The following KLHL28 variants were observed in gnomAD, a reference collection of about 807,000 sequenced individuals.
KLHL28 encodes kelch like family member 28.
KLHL28 carries 22 observed loss-of-function variants against 48.3 expected under a neutral mutation model. The observed-to-expected ratio is 0.46, with a 90% CI of 0.33 to 0.65. The LOEUF (loss-of-function observed/expected upper bound fraction) is 0.65, where lower values mean the gene tolerates loss of function less well. Among genes scored for constraint, KLHL28 ranks in the 30% least tolerant of loss-of-function variants. The pLI, the probability that KLHL28 is intolerant of heterozygous loss-of-function variation, is 0.03. For missense variants in KLHL28, 527 were observed against 704.3 expected, an observed-to-expected ratio of 0.75 and a Z score of 2.85; for synonymous variants, 243 against 242.4, an observed-to-expected ratio of 1.00 and a Z score of -0.02.
chr14:44,946,272 T>C (rs146938471), intron 1 of KLHL28, among the ~76,000 whole-genome samples: 1 of 152,142 alleles, frequency 6.6e-6, no homozygotes, highest in South Asian at 2.1e-4. Flanking sequence ...GAGCTATCAC[T>C]GAAATAAAAT....
chr14:44,930,634 T>C (rs1399146475), intron 4 of KLHL28, among the ~76,000 whole-genome samples: 2 of 152,198 alleles, frequency 1.3e-5, no homozygotes, highest in Admixed American at 6.5e-5. Flanking sequence ...TTTCACACTT[T>C]AGATTTTTGA....
At chr14:44,942,966 C>A (rs73334172) in intron 2 of KLHL28, among the ~76,000 whole-genome samples, 22,917 of 151,904 alleles carry the variant, frequency 0.15, 3,151 homozygotes, top group African/African-American at 0.37. Context: ...GTAGAGTTAA[C>A]CTGAATGATC....
intron 4 of KLHL28, 125 bp downstream of exon 4, chr14:44,931,208 T>A: frequency 1.6e-6 from 1 of 608,498 alleles, no homozygotes; most frequent in South Asian, 2.6e-5. Flanking sequence ...CACATACAAG[T>A]CTTTTTTTTT....
In KLHL28 at chr14:44,935,176, G is replaced by A. The variant is rs1050411887; in HGVS notation, c.900-618C>T. On this transcript the variant is annotated intron_variant, in intron 2 of 4. Transcript: ENST00000396128. The stretch of plus-strand genomic sequence containing the variant: ...ACAAACTATAGCTACATGTCGCTGG[G>A]GGAATCTTACACACATAATGTTGAG... Among the ~76,000 whole-genome samples, 4 of 152,266 alleles carry A rather than the reference G, an allele frequency of 2.6e-5. No homozygotes were observed. In the South Asian group the frequency reaches 8.3e-4, roughly 32 times the overall value.
intron 1 of KLHL28, among the ~76,000 whole-genome samples, chr14:44,953,262 T>G (rs777849210): frequency 6.6e-6 from 1 of 152,180 alleles, no homozygotes; most frequent in Non-Finnish European, 1.5e-5. Flanking sequence ...CAGGTAAAAC[T>G]AGATTTCTGC....
rs1224757600 is a variant in KLHL28 at position 44,925,785 on chromosome 14, A to G, written c.*3243T>C. On this transcript the variant is annotated 3_prime_UTR_variant, in exon 5 of 5. Transcript: ENST00000396128. ...CATTTAAAACAATAACAGCAATAAC[A>G]CAATTTATAAATATCCTTGGAGCTA... The G allele has an allele frequency of 6.6e-6, 1 of 152,170 alleles. No homozygotes were observed. The highest frequency in any genetic ancestry group is 1.5e-5 in the Non-Finnish European group (1 of 67,984). 9.4% of individuals were successfully genotyped at this position (152,170 alleles called of 1,614,324 possible). A position where few individuals can be genotyped will look rare whatever the true frequency, so the allele number is the denominator to read the frequency against.
In KLHL28 at chr14:44,928,918, TC is replaced by T; in HGVS notation, c.*109del. The T allele has an allele frequency of 2.0e-6, 2 of 975,646 alleles. No homozygotes were observed. The highest frequency in any genetic ancestry group is 5.1e-5 in the East Asian group (2 of 39,208). The allele number at this position is 975,646 out of a possible 1,614,324, so 60.4% of individuals were successfully genotyped here. On this transcript the variant is annotated 3_prime_UTR_variant, in exon 5 of 5. Transcript: ENST00000396128. ...AAAACTTTTGAGCCTTCATGCTACT[TC>T]AAGTTAAAAAGAAAGCAATGCAGCT...
At chr14:44,960,550 T>C (rs573529365) in intron 1 of KLHL28, among the ~76,000 whole-genome samples, 19 of 152,316 alleles carry the variant, frequency 1.2e-4, no homozygotes, top group African/African-American at 4.6e-4. Flanking sequence ...TCCCTGTCTT[T>C]AACCTGTCCC....
intron 2 of KLHL28, among the ~76,000 whole-genome samples, chr14:44,943,226 T>A (rs1884176840): frequency 6.6e-6 from 1 of 152,238 alleles, no homozygotes; most frequent in Non-Finnish European, 1.5e-5. Context: ...TGTCATAATA[T>A]TTACTAATAT....
At chr14:44,934,084 A>G (rs1003508932) in intron 3 of KLHL28, 31 bp downstream of exon 3, 9 of 1,501,694 alleles carry the variant, frequency 6.0e-6, no homozygotes, top group African/African-American at 1.4e-5. Flanking sequence ...AAATCCATAA[A>G]CATATGCAAT....
Position 44,945,018 on chromosome 14 carries a change from C to G in KLHL28, c.899+12G>C, listed in dbSNP as rs1430866043. 1.2e-5 allele frequency: 18 copies of G among 1,536,700 alleles called. No individual in the cohort carries two copies. Among genetic ancestry groups the G allele is most frequent in the Non-Finnish European group, 1.5e-5 (17 of 1,130,994 alleles). On this transcript the variant is annotated intron_variant, in intron 2 of 4. Transcript: ENST00000396128. ...AATTAGCATCATTCATTTAGGAAAG[C>G]CTTCTATTTACCTATCCAAACAGGC...
intron 2 of KLHL28, among the ~76,000 whole-genome samples, chr14:44,935,846 T>C (rs962395944): frequency 1.1e-4 from 10 of 92,018 alleles, no homozygotes; most frequent in African/African-American, 3.3e-4. Context: ...CTATATAATC[T>C]TTTGCATGTA....
At chr14:44,951,298 C>G (rs1057054180) in intron 1 of KLHL28, among the ~76,000 whole-genome samples, 1 of 152,206 alleles carries the variant, frequency 6.6e-6, no homozygotes, top group Admixed American at 6.5e-5. Flanking sequence ...TTAGAGGCCT[C>G]TCACTCTCTC....
chr14:44,941,272 C>T (rs541761206), intron 2 of KLHL28, among the ~76,000 whole-genome samples: 1 of 152,178 alleles, frequency 6.6e-6, no homozygotes, highest in South Asian at 2.1e-4. Context: ...AGTTTATTTC[C>T]TTACTTTGTA....
intron 1 of KLHL28, among the ~76,000 whole-genome samples, chr14:44,956,783 C>A (rs1480415616): frequency 6.6e-6 from 1 of 152,100 alleles, no homozygotes; most frequent in African/African-American, 2.4e-5. Context: ...ATTAATTAAT[C>A]ACTGCTATTT....
intron 1 of KLHL28, among the ~76,000 whole-genome samples, chr14:44,947,755 T>C (rs1884398838): frequency 6.6e-6 from 1 of 152,218 alleles, no homozygotes; most frequent in Non-Finnish European, 1.5e-5. Flanking sequence ...TTCATACTTA[T>C]TTCACAATGA....
chr14:44,954,371 T>C (rs1361608095), intron 1 of KLHL28, among the ~76,000 whole-genome samples: 1 of 152,194 alleles, frequency 6.6e-6, no homozygotes, highest in African/African-American at 2.4e-5. Flanking sequence ...AACAAAATAA[T>C]ATACTCATGT....
chr14:44,958,852 G>C (rs1228418589), intron 1 of KLHL28, among the ~76,000 whole-genome samples: 4 of 151,996 alleles, frequency 2.6e-5, no homozygotes, highest in Admixed American at 2.6e-4. Flanking sequence ...TTATAGTTTT[G>C]ACTGAAGACA....
chr14:44,940,237 C>T (rs1884012258), intron 2 of KLHL28, among the ~76,000 whole-genome samples: 1 of 152,290 alleles, frequency 6.6e-6, no homozygotes, highest in Admixed American at 6.5e-5. Context: ...GCCCTCATGG[C>T]CTAATCACCT....
Sources: allele counts gnomAD v4.1 joint callset (sites outside exome capture counted in the v4.1 genomes callset), GRCh38; gene constraint gnomAD v4.1.1; transcripts MANE v1.5; gene names NCBI Gene and HGNC (gene_info 2026-07-23, HGNC 2026-07-21).